HEATR5A: variants seen among roughly 807,000 people sequenced by gnomAD.
HEATR5A encodes HEAT repeat-containing protein 5A.
A neutral mutation model predicts 218.8 loss-of-function variants in HEATR5A; 178 were observed. That is an observed-to-expected ratio of 0.81 (90% confidence interval 0.72 to 0.92). HEATR5A has a LOEUF of 0.92. Ranked by LOEUF, HEATR5A falls within the 40% of genes least tolerant of loss-of-function variation. The probability of loss-of-function intolerance (pLI) is 0.00; values close to 1 mark genes in which losing one functional copy is unlikely to be tolerated. For missense variants in HEATR5A, 2,420 were observed against 2,418.9 expected (o/e 1.00, Z -0.01); for synonymous variants, 864 against 871.6 (o/e 0.99, Z 0.15).
chr14:31,358,927 TAGGAA>T lies in HEATR5A; in HGVS notation c.2197_2201del (p.Phe733ThrfsTer4), dbSNP rs756098571. On this transcript the variant is annotated frameshift_variant, in exon 15 of 36. Transcript: ENST00000543095. LOFTEE classifies it high-confidence loss of function. Reference sequence around the variant, plus strand: ...CAATAAATCTATGGTCAGTCTCTTGTAGGAAAGGACTTAGTATCAAAAGATCATCC... The same window carrying T: ...CAATAAATCTATGGTCAGTCTCTTGTAGGACTTAGTATCAAAAGATCATCC... 6.3e-7 allele frequency: 1 copy of T among 1,594,562 alleles called. No individual in the cohort carries two copies. Among genetic ancestry groups the T allele is most frequent in the South Asian group, 1.1e-5 (1 of 87,112 alleles).
At position 31,400,402 on chromosome 14, in the gene HEATR5A, A is replaced by C. The variant is rs2030826946; in HGVS notation, c.237T>G (p.Leu79=). 2 of 1,535,640 alleles carry C rather than the reference A, an allele frequency of 1.3e-6. No homozygotes were observed. Among genetic ancestry groups the C allele is most frequent in the Non-Finnish European group, 1.7e-6 (2 of 1,146,580 alleles). Residue 79 remains leucine (L), a synonymous_variant, in exon 3 of 36, where the codon CTT becomes CTG. Coordinates refer to ENST00000543095, the MANE Select transcript of HEATR5A (RefSeq NM_015473.4). ...CGGAGAATGTGTCTCCAATACTATA[A>C]AGTATGGCTAGATTCTTAGCAAGCA... The part of the protein sequence containing the change: ...RKLLAKNLAI[L]YSIGDTFSVH...
chr14:31,335,212 T>A (rs1292020916), intron 22 of HEATR5A, among the ~76,000 whole-genome samples: 1 of 152,174 alleles, frequency 6.6e-6, no homozygotes, highest in Non-Finnish European at 1.5e-5. Flanking sequence ...AACTCTGATA[T>A]GCACTGGAAA....
At chr14:31,417,403 C>CAAAAACAAAAGCA (rs753909379) in intron 1 of HEATR5A, among the ~76,000 whole-genome samples, 1 of 151,874 alleles carries the variant, frequency 6.6e-6, no homozygotes, top group East Asian at 1.9e-4. Flanking sequence ...TACTAAAAAA[C>CAAAAACAAAAGCA]AAAAACAAAA....
chr14:31,317,951 G>T (rs1899965034), intron 26 of HEATR5A, among the ~76,000 whole-genome samples: 2 of 152,062 alleles, frequency 1.3e-5, no homozygotes, highest in South Asian at 4.1e-4. Flanking sequence ...CCAGTGAAAT[G>T]ACCTATGCAC....
chr14:31,353,893 A>C (rs769527880), intron 16 of HEATR5A, among the ~76,000 whole-genome samples: 2 of 151,734 alleles, frequency 1.3e-5, no homozygotes, highest in African/African-American at 4.8e-5. Context: ...TCTGCCTCCC[A>C]GGTTCATGCC....
rs1283539688 is a variant in HEATR5A, at chr14:31,367,863, G to A, written c.1962-3565C>T. Reference sequence around the variant, plus strand: ...ATATAAATAAACACACCAATAGAGAGCACAGGCATAGATCATGCATAAATG... The same window carrying A: ...ATATAAATAAACACACCAATAGAGAACACAGGCATAGATCATGCATAAATG... On this transcript the variant is annotated intron_variant, in intron 13 of 35. Coordinates refer to ENST00000543095, the MANE Select transcript of HEATR5A (RefSeq NM_015473.4). 4.6e-5 allele frequency among the ~76,000 whole-genome samples: 7 copies of A among 152,044 alleles called. No individual in the cohort carries two copies. In the East Asian group the frequency reaches 1.4e-3, roughly 29 times the overall value.
intron 1 of HEATR5A, among the ~76,000 whole-genome samples, chr14:31,413,403 C>A (rs1334678177): frequency 8.3e-6 from 1 of 120,048 alleles, no homozygotes; most frequent in Non-Finnish European, 1.7e-5. Flanking sequence ...TTTTTTTTTT[C>A]CAAAATACTG....
At position 31,323,789 on chromosome 14, in the gene HEATR5A, G is replaced by T; in HGVS notation, c.3563C>A (p.Thr1188Asn). The T allele has an allele frequency of 6.3e-7, 1 of 1,586,228 alleles. No individual in the cohort carries two copies. The highest frequency in any genetic ancestry group is 8.7e-7 in the Non-Finnish European group (1 of 1,155,654). The change falls in exon 24 of 36, where the codon ACT (threonine) becomes AAT (asparagine). Residue 1188 changes from threonine (T) to asparagine (N), a missense_variant. By Grantham distance (65) the Thr-to-Asn change is moderately conservative. Coordinates refer to ENST00000543095, the MANE Select transcript of HEATR5A (RefSeq NM_015473.4). ...TTCTTCTTGCATTGTATCCACACAA[G>T]TTACAGCTGTAAAATCTTTTATTAA... is the stretch of plus-strand genomic sequence containing the variant. Reference protein sequence around the residue: ...LAASADFTAVTCVDTMQEEEG... With the variant: ...LAASADFTAVNCVDTMQEEEG...
chr14:31,306,872 C>T lies in HEATR5A; in HGVS notation c.4826G>A (p.Gly1609Asp). Residue 1609 changes from glycine (G) to aspartate (D), a missense_variant, in exon 31 of 36, where the codon GGT (glycine) becomes GAT (aspartate). By Grantham distance (94) the Gly-to-Asp change is moderately conservative (BLOSUM62 -1). Coordinates refer to ENST00000543095, the MANE Select transcript of HEATR5A (RefSeq NM_015473.4). ...ATGTAGAACATTCAGCAATTCTATA[C>T]CCAAGTCCTATCATGGAAATCATGT... is the stretch of plus-strand genomic sequence containing the variant. The part of the protein sequence containing the change: ...RSKIGSDQDL[G>D]IELLNVLHRV... 2.5e-6 allele frequency: 4 copies of T among 1,603,854 alleles called. No individual in the cohort carries two copies. The highest frequency in any genetic ancestry group is 3.4e-6 in the Non-Finnish European group (4 of 1,173,580).
chr14:31,413,200 T>A (rs1025886132), intron 1 of HEATR5A, among the ~76,000 whole-genome samples: 2 of 152,070 alleles, frequency 1.3e-5, no homozygotes, highest in African/African-American at 4.8e-5. Context: ...CAAAGCAATA[T>A]GAACAGCAAA....
At chr14:31,323,485 T>C (rs1900171953) in intron 24 of HEATR5A, 80 bp downstream of exon 24, 1 of 1,140,104 alleles carries the variant, frequency 8.8e-7, no homozygotes, top group Non-Finnish European at 1.2e-6. Flanking sequence ...AAAAATATTT[T>C]AATATTTTAA....
chr14:31,345,242 T>C lies in HEATR5A; in HGVS notation c.2903A>G (p.Asp968Gly). 1 of 1,612,798 alleles carries C rather than the reference T, an allele frequency of 6.2e-7. No individual in the cohort carries two copies. Among genetic ancestry groups the C allele is most frequent in the Non-Finnish European group, 8.5e-7 (1 of 1,179,278 alleles). ...WALHSLSLII[D>G]SAGPLYYVHV... ...CACATAATAGAGTGGGCCAGCAGAA[T>C]CAATGATCAATGATAGAGAATGTAA... Residue 968 changes from aspartate to glycine, a missense_variant, in exon 20 of 36, where the codon GAT becomes GGT. Transcript: ENST00000543095.
At chr14:31,339,449 C>CAAAA (rs55998911) in intron 21 of HEATR5A, among the ~76,000 whole-genome samples, 65 of 67,430 alleles carry the variant, frequency 9.6e-4, no homozygotes, top group African/African-American at 1.4e-3. Flanking sequence ...AACTGTGTCT[C>CAAAA]AAAAAAAAAA....
intron 28 of HEATR5A, among the ~76,000 whole-genome samples, 152 bp from the exon 29 acceptor site, chr14:31,309,334 T>C (rs1899660537): frequency 6.6e-6 from 1 of 152,256 alleles, no homozygotes; most frequent in Admixed American, 6.5e-5. Flanking sequence ...AACTACTTTC[T>C]AGTTTTTATC....
At chr14:31,369,931 C>T (rs1901969707) in intron 13 of HEATR5A, among the ~76,000 whole-genome samples, 2 of 30,684 alleles carry the variant, frequency 6.5e-5, no homozygotes, top group South Asian at 1.8e-3. Context: ...AAGACTCTAT[C>T]TCAAAAAAAA....
At chr14:31,392,647 G>A (rs1380109534) in intron 6 of HEATR5A, among the ~76,000 whole-genome samples, 5 of 152,126 alleles carry the variant, frequency 3.3e-5, no homozygotes, top group Admixed American at 1.3e-4. Flanking sequence ...ATATCCAGCT[G>A]TCTATCTGAT....
At chr14:31,389,169 A>AG (rs2030352215) in intron 6 of HEATR5A, among the ~76,000 whole-genome samples, 164 bp from the exon 7 acceptor site, 1 of 152,228 alleles carries the variant, frequency 6.6e-6, no homozygotes. Context: ...AAGTCACACA[A>AG]GGGGTCAGAG....
chr14:31,383,794 A>G (rs1399426106), intron 9 of HEATR5A, 23 bp from the exon 10 acceptor site: 1 of 1,599,890 alleles, frequency 6.3e-7, no homozygotes. Context: ...ACAAATGATG[A>G]CTTAGGTACA....
chr14:31,387,347 C>G lies in HEATR5A; in HGVS notation c.962G>C (p.Gly321Ala), dbSNP rs1160483538. Residue 321 changes from glycine to alanine, a missense_variant, in exon 8 of 36, where the codon GGA (glycine) becomes GCA (alanine). By Grantham distance (60) the Gly-to-Ala change is moderately conservative (BLOSUM62 0). Coordinates refer to ENST00000543095, the MANE Select transcript of HEATR5A (RefSeq NM_015473.4). ...QAYVVFVSTL[G>A]GAWLEKNFAA... ...AAAATTTTTCTCTAGCCAAGCTCCT[C>G]CTAGTGTTGAAACAAATACCACATA... is the stretch of plus-strand genomic sequence containing the variant. 6 of 1,613,436 alleles carry G rather than the reference C, an allele frequency of 3.7e-6. No individual in the cohort carries two copies. The highest frequency in any genetic ancestry group is 5.1e-6 in the Non-Finnish European group (6 of 1,179,440).
Sources: allele counts gnomAD v4.1 joint callset (sites outside exome capture counted in the v4.1 genomes callset), GRCh38; gene constraint gnomAD v4.1.1; transcripts MANE v1.5; gene names NCBI Gene and HGNC (gene_info 2026-07-23, HGNC 2026-07-21).